The following LRRC61 variants were observed in gnomAD, a reference collection of about 807,000 sequenced individuals.
LRRC61 encodes the protein leucine-rich repeat-containing protein 61.
LRRC61 carries 9 observed loss-of-function variants against 15.1 expected under a neutral mutation model. That is an observed-to-expected ratio of 0.60 (90% CI 0.36 to 1.04). The LOEUF (loss-of-function observed/expected upper bound fraction) is 1.04. Ranked by LOEUF, LRRC61 falls within the 50% of genes least tolerant of loss-of-function variation. The pLI, the probability that LRRC61 is intolerant of heterozygous loss-of-function variation, is 0.01. For missense variants in LRRC61, 344 were observed against 335.6 expected, an observed-to-expected ratio of 1.03 and a Z score of -0.20; for synonymous variants, 173 against 158.6, an observed-to-expected ratio of 1.09 and a Z score of -0.68.
chr7:150,320,221 A>G (rs1797362508), upstream of LRRC61, among the ~76,000 whole-genome samples: 1 of 152,234 alleles, frequency 6.6e-6, no homozygotes, highest in South Asian at 2.1e-4. Context: ...GTAAAGTTTA[A>G]ATGGTTTATT....
At chr7:150,334,954 G>A (rs1362623620) in intron 2 of LRRC61, among the ~76,000 whole-genome samples, 1 of 151,706 alleles carries the variant, frequency 6.6e-6, no homozygotes, top group African/African-American at 2.4e-5. Flanking sequence ...CCCAGGAGGC[G>A]GAGGTTGCGG....
Position 150,330,960 on chromosome 7 carries a change from TCCA to T in LRRC61, c.-145+4954_-145+4956del. On this transcript the variant is annotated intron_variant, in intron 2 of 2. Transcript: ENST00000359623. This position sits in a 1 kb window ranked among gnomAD's most constrained non-coding sequence, Gnocchi z 4.6. ...CTCTGAGAGAAGCGGGGGCTCGCTG[TCCA>T]CCAAGAGCCACTGGGCCAGCATCAT... The T allele has an allele frequency of 6.2e-7, 1 of 1,611,750 alleles. No individual in the cohort carries two copies.
At chr7:150,331,253 G>A in intron 2 of LRRC61, 1 of 859,896 alleles carries the variant, frequency 1.2e-6, no homozygotes, top group Non-Finnish European at 1.8e-6. Context: ...CCCCTCATCT[G>A]CTCTAGTGGT....
rs1326176693 is a variant in LRRC61 at position 150,337,029 on chromosome 7, G to A, written c.168G>A (p.Glu56=). 6 of 1,613,632 alleles carry A rather than the reference G, an allele frequency of 3.7e-6. No homozygotes were observed. In the Admixed American group the frequency reaches 5.0e-5, roughly 13 times the overall value. The stretch of plus-strand genomic sequence containing the variant: ...GCCTGGGAGAGTGCCTGGGCCTGGA[G>A]TGGCTGGACCTATCAGGCAACGCGC... ...LGCLGECLGL[E]WLDLSGNALT... is the part of the protein sequence containing the mutation. The change falls in exon 3 of 3, where the codon GAG becomes GAA. Residue 56 remains glutamate (E), a synonymous_variant. Transcript: ENST00000359623.
At chr7:150,329,544 G>A (rs773249008) in intron 2 of LRRC61, among the ~76,000 whole-genome samples, 2 of 152,194 alleles carry the variant, frequency 1.3e-5, no homozygotes, top group African/African-American at 4.8e-5. Flanking sequence ...CCAGCACCCT[G>A]TCCCAAGAGT....
upstream of LRRC61, chr7:150,323,261 CCG>C (rs1797747657): frequency 4.0e-6 from 1 of 247,946 alleles, no homozygotes; most frequent in African/African-American, 2.4e-5. Flanking sequence ...GCGAAGACCC[CCG>C]CAGGCTGCGC....
At chr7:150,334,945 C>T (rs1798240345) in intron 2 of LRRC61, among the ~76,000 whole-genome samples, 1 of 151,884 alleles carries the variant, frequency 6.6e-6, no homozygotes, top group South Asian at 2.1e-4. Context: ...TCGCTTGAAC[C>T]CAGGAGGCGG....
At chr7:150,320,880 C>G (rs1388807905), upstream of LRRC61, among the ~76,000 whole-genome samples, 1 of 152,182 alleles carries the variant, frequency 6.6e-6, no homozygotes, top group Non-Finnish European at 1.5e-5. Context: ...TCTTGCCTTC[C>G]CCAGCCTTTA....
chr7:150,315,220 TA>T, the LRRC61 span, among the ~76,000 whole-genome samples: 1 of 151,630 alleles, frequency 6.6e-6, no homozygotes, highest in African/African-American at 2.4e-5. Context: ...GCAATGACTA[TA>T]AAAGACTGAC....
chr7:150,318,729 G>A (rs1005745064), upstream of LRRC61, among the ~76,000 whole-genome samples: 2 of 152,218 alleles, frequency 1.3e-5, no homozygotes, highest in African/African-American at 4.8e-5. Flanking sequence ...CTGGGTGACA[G>A]AGTGAGACTC....
intron 2 of LRRC61, among the ~76,000 whole-genome samples, chr7:150,326,430 C>T (rs1297739920): frequency 6.6e-6 from 1 of 152,114 alleles, no homozygotes; most frequent in Non-Finnish European, 1.5e-5. Context: ...CACCTGTAAT[C>T]CCAATACTTT....
Position 150,337,976 on chromosome 7 carries a change from C to T in LRRC61, c.*335C>T, listed in dbSNP as rs1290614505. On this transcript the variant is annotated 3_prime_UTR_variant, in exon 3 of 3. Transcript: ENST00000359623. ...AGAAAGGTAGGGATGGGCCAGCCTC[C>T]CGTCTCAGCTGTTGGGAGACAGTAG... 6 of 429,052 alleles carry T rather than the reference C, an allele frequency of 1.4e-5. No homozygotes were observed. The highest frequency in any genetic ancestry group is 2.2e-5 in the Non-Finnish European group (5 of 226,518). The allele number at this position is 429,052 out of a possible 1,614,324, so 26.6% of individuals were successfully genotyped here. A position where few individuals can be genotyped will look rare whatever the true frequency, so the allele number is the denominator to read the frequency against.
rs1798058439 is a variant in LRRC61 at position 150,330,107 on chromosome 7, T to G, written c.-145+4097T>G. 3 of 429,742 alleles carry G rather than the reference T, an allele frequency of 7.0e-6. No individual in the cohort carries two copies. The highest frequency in any genetic ancestry group is 8.8e-5 in the East Asian group (2 of 22,818). The allele number at this position is 429,742 out of a possible 1,614,324, so 26.6% of individuals were successfully genotyped here. Reference sequence around the variant, plus strand: ...GAAACTTTCTGTGTCACCCTCACAGTGTCCAGATCATCCTGGGCACTGCCA... The same window carrying G: ...GAAACTTTCTGTGTCACCCTCACAGGGTCCAGATCATCCTGGGCACTGCCA... On this transcript the variant is annotated intron_variant, in intron 2 of 2. Coordinates refer to ENST00000359623, the MANE Select transcript of LRRC61 (RefSeq NM_001142928.2). This position sits in a 1 kb window ranked among gnomAD's most constrained non-coding sequence, Gnocchi z 4.6.
chr7:150,332,705 G>C (rs568164505), intron 2 of LRRC61: 14 of 167,150 alleles, frequency 8.4e-5, no homozygotes, highest in African/African-American at 2.9e-4. Context: ...GTTAAATAAA[G>C]TTTTGTAAAC....
Position 150,337,305 on chromosome 7 carries a change from T to C in LRRC61, c.444T>C (p.Ala148=). Reference sequence around the variant, plus strand: ...TCTGTGCCAACCCCTCCTACTGGGCTGCAGTCCGGGAGCTGCTGCCTGGCC... The same window carrying C: ...TCTGTGCCAACCCCTCCTACTGGGCCGCAGTCCGGGAGCTGCTGCCTGGCC... The part of the protein sequence containing the change: ...NPLCANPSYW[A]AVRELLPGLK... Residue 148 remains alanine (A), a synonymous_variant, in exon 3 of 3, where the codon GCT becomes GCC. Transcript: ENST00000359623. The C allele has an allele frequency of 5.0e-6, 8 of 1,603,672 alleles. No individual in the cohort carries two copies. Among genetic ancestry groups the C allele is most frequent in the Non-Finnish European group, 6.8e-6 (8 of 1,179,920 alleles).
At chr7:150,334,577 A>G (rs568464688) in intron 2 of LRRC61, among the ~76,000 whole-genome samples, 2 of 152,262 alleles carry the variant, frequency 1.3e-5, no homozygotes, top group African/African-American at 4.8e-5. Flanking sequence ...GCCAGCTGCC[A>G]TCTCCCTGCT....
Position 150,337,323 on chromosome 7 carries a change from G to C in LRRC61, c.462G>C (p.Leu154=). The C allele has an allele frequency of 6.2e-7, 1 of 1,603,912 alleles. No individual in the cohort carries two copies. Among genetic ancestry groups the C allele is most frequent in the Non-Finnish European group, 8.5e-7 (1 of 1,179,946 alleles). ...ACTGGGCTGCAGTCCGGGAGCTGCT[G>C]CCTGGCCTGAAAGTCATCGACGGTG... The part of the protein sequence containing the change: ...PSYWAAVREL[L]PGLKVIDGER... The change falls in exon 3 of 3, where the codon CTG becomes CTC. Residue 154 remains leucine (L), a synonymous_variant. Transcript: ENST00000359623.
At chr7:150,326,720 G>A (rs914874947) in intron 2 of LRRC61, among the ~76,000 whole-genome samples, 5 of 150,624 alleles carry the variant, frequency 3.3e-5, no homozygotes, top group African/African-American at 4.9e-5. Context: ...GGGTGACCCC[G>A]TTCTGCAGAT....
chr7:150,324,995 G>T (rs1253581429), intron 1 of LRRC61, among the ~76,000 whole-genome samples: 1 of 152,138 alleles, frequency 6.6e-6, no homozygotes, highest in Admixed American at 6.5e-5. Flanking sequence ...TTTGAGATCT[G>T]CTCATCCTCT....
Sources: allele counts gnomAD v4.1 joint callset (sites outside exome capture counted in the v4.1 genomes callset), GRCh38; gene constraint gnomAD v4.1.1; non-coding constraint Gnocchi (gnomAD v3.1); transcripts MANE v1.5; gene names NCBI Gene and HGNC (gene_info 2026-07-23, HGNC 2026-07-21).